Variants in AKAP13 observed in about 807,000 individuals in gnomAD.
The protein encoded by AKAP13 is A-kinase anchor protein 13.
Under a neutral mutation model 264.5 loss-of-function variants are expected in AKAP13, and 80 were observed. That is an observed-to-expected ratio of 0.30 (90% confidence interval 0.25 to 0.36). AKAP13 has a LOEUF of 0.36. Among genes scored for constraint, AKAP13 ranks in the 10% least tolerant of loss-of-function variants. AKAP13 has a pLI of 1.00. For synonymous variants in AKAP13, 1,380 were observed against 1,250.2 expected, an observed-to-expected ratio of 1.10 and a Z score of -2.19; for missense variants, 3,712 against 3,435.2, an observed-to-expected ratio of 1.08 and a Z score of -2.01.
chr15:85,426,748 ATC>A (rs567414849), intron 1 of AKAP13, among the ~76,000 whole-genome samples: 301 of 152,246 alleles, frequency 2.0e-3, no homozygotes, highest in Non-Finnish European at 3.6e-3. Context: ...CCACTACCCT[ATC>A]TCTCTGTCTG....
chr15:85,690,139 A>G (rs17574774), intron 16 of AKAP13: 28,608 of 152,270 alleles, frequency 0.19, 3,570 homozygotes, highest in Middle Eastern at 0.41. Flanking sequence ...ACTAAATTCT[A>G]GTAAACACAG....
In AKAP13 at chr15:85,579,227, C is replaced by G; in HGVS notation, c.1159C>G (p.Pro387Ala). 6.2e-7 allele frequency: 1 copy of G among 1,614,202 alleles called. No individual in the cohort carries two copies. The highest frequency in any genetic ancestry group is 8.5e-7 in the Non-Finnish European group (1 of 1,180,032). Residue 387 changes from proline to alanine, a missense_variant, in exon 7 of 37, where the codon CCT becomes GCT. Pro to Ala is a conservative substitution (Grantham distance 27). Transcript: ENST00000394518. ...ERKGEEVEPA[P>A]IVDSGTVSDQ... ...AAAAGGGGAAGAGGTGGAGCCAGCA[C>G]CTATTGTGGACTCTGGAACTGTATC...
intron 12 of AKAP13, among the ~76,000 whole-genome samples, chr15:85,660,781 C>G (rs1286281665): frequency 6.6e-6 from 1 of 152,156 alleles, no homozygotes; most frequent in African/African-American, 2.4e-5. Context: ...TGCTTCTGCA[C>G]TTGTAAGCTT....
intron 1 of AKAP13, among the ~76,000 whole-genome samples, chr15:85,471,806 T>C (rs1265763404): frequency 6.6e-6 from 1 of 152,212 alleles, no homozygotes; most frequent in East Asian, 1.9e-4. Flanking sequence ...ACTAGCTCTG[T>C]TTATTTTTTC....
At chr15:85,643,764 A>G (rs1191383538) in intron 9 of AKAP13, among the ~76,000 whole-genome samples, 1 of 152,202 alleles carries the variant, frequency 6.6e-6, no homozygotes, top group East Asian at 1.9e-4. Flanking sequence ...AACAGTACAG[A>G]GGGAATCTGT....
At position 85,744,762 on chromosome 15, in the gene AKAP13, C is replaced by A; in HGVS notation, c.*85C>A. ...TGTCCCCGCGTGCACAAGTCTCTTA[C>A]ACTGGACGCCCACTGCTCCTCAGCG... On this transcript the variant is annotated 3_prime_UTR_variant, in exon 37 of 37. Coordinates refer to ENST00000394518, the MANE Select transcript of AKAP13 (RefSeq NM_007200.5). 1 of 1,295,040 alleles carries A rather than the reference C, an allele frequency of 7.7e-7. No individual in the cohort carries two copies. Among genetic ancestry groups the A allele is most frequent in the Non-Finnish European group, 1.1e-6 (1 of 943,884 alleles). 80.2% of individuals were successfully genotyped at this position (1,295,040 alleles called of 1,614,324 possible). A position where few individuals can be genotyped will look rare whatever the true frequency, so the allele number is the denominator to read the frequency against.
chr15:85,581,335 G>T lies in AKAP13; in HGVS notation c.3267G>T (p.Val1089=), dbSNP rs2079139594. The stretch of plus-strand genomic sequence containing the variant: ...GTGAGGTGAGTGGAGATGTGACGGT[G>T]GATGTTACAGGGGTTAATGCTCTAC... ...SACEVSGDVT[V]DVTGVNALQG... is the part of the protein sequence containing the mutation. Residue 1089 remains valine, a synonymous_variant, in exon 7 of 37, where the codon GTG becomes GTT. Coordinates refer to ENST00000394518, the MANE Select transcript of AKAP13 (RefSeq NM_007200.5). 1 of 1,614,114 alleles carries T rather than the reference G, an allele frequency of 6.2e-7. No homozygotes were observed. The highest frequency in any genetic ancestry group is 8.5e-7 in the Non-Finnish European group (1 of 1,180,046).
intron 8 of AKAP13, among the ~76,000 whole-genome samples, chr15:85,631,455 T>C (rs943124975): frequency 1.3e-5 from 2 of 151,764 alleles, no homozygotes; most frequent in South Asian, 4.2e-4. Flanking sequence ...AATAAGGATG[T>C]TAAAATGCAA....
At chr15:85,569,039 A>G (rs1348518909) in intron 5 of AKAP13, among the ~76,000 whole-genome samples, 2 of 152,252 alleles carry the variant, frequency 1.3e-5, no homozygotes, top group Non-Finnish European at 2.9e-5. Context: ...CAACATGTTC[A>G]GAATGTTCTG....
chr15:85,657,405 A>G (rs535351377), intron 11 of AKAP13, among the ~76,000 whole-genome samples: 1 of 152,258 alleles, frequency 6.6e-6, no homozygotes, highest in African/African-American at 2.4e-5. Flanking sequence ...CTAATTTGCT[A>G]ATCTTTTCAG....
At chr15:85,470,477 G>A (rs527266513) in intron 1 of AKAP13, among the ~76,000 whole-genome samples, 19 of 152,266 alleles carry the variant, frequency 1.2e-4, no homozygotes, top group African/African-American at 4.1e-4. Flanking sequence ...AAACAAACAT[G>A]TTTAAAACAG....
intron 1 of AKAP13, among the ~76,000 whole-genome samples, chr15:85,471,067 G>A (rs892255476): frequency 6.6e-6 from 1 of 152,146 alleles, no homozygotes; most frequent in Non-Finnish European, 1.5e-5. Context: ...TGCCCTCATT[G>A]TGGAGGAAGC....
chr15:85,543,927 T>A lies in AKAP13; in HGVS notation c.634T>A (p.Tyr212Asn). 1.2e-6 allele frequency: 2 copies of A among 1,613,370 alleles called. No individual in the cohort carries two copies. The highest frequency in any genetic ancestry group is 2.7e-5 in the African/African-American group (2 of 75,004). The change falls in exon 5 of 37, where the codon TAT (tyrosine) becomes AAT (asparagine). Residue 212 changes from tyrosine (Y) to asparagine (N), a missense_variant. Coordinates refer to ENST00000394518, the MANE Select transcript of AKAP13 (RefSeq NM_007200.5). ...TGTGAGCTTGGCCTTGGAGCGAGGC[T>A]ATCACAAGCTGCACCAGCTTCTAAC... ...TPVSLALERGYHKLHQLLTEE... is the reference protein window; with the variant it reads ...TPVSLALERGNHKLHQLLTEE...
At chr15:85,638,071 A>C (rs1472881953) in intron 8 of AKAP13, among the ~76,000 whole-genome samples, 1 of 150,706 alleles carries the variant, frequency 6.6e-6, no homozygotes, top group East Asian at 1.9e-4. Flanking sequence ...TTTTTAGTAG[A>C]GACAGGATTT....
intron 18 of AKAP13, among the ~76,000 whole-genome samples, chr15:85,710,145 A>G (rs2086556958): frequency 6.6e-6 from 1 of 152,230 alleles, no homozygotes; most frequent in South Asian, 2.1e-4. Context: ...AGCACCTTAT[A>G]AATGCTAGTT....
At position 85,406,299 on chromosome 15, in the gene AKAP13, C is replaced by T. The variant is rs571896601; in HGVS notation, c.-12+25501C>T. On this transcript the variant is annotated intron_variant, in intron 1 of 36. Transcript: ENST00000394518. ...CATCCTGAGTGAAGAGTGAAGGGACCATGATTAAAATTCCCATGACATTGT... is the reference window on the plus strand; with the variant it reads ...CATCCTGAGTGAAGAGTGAAGGGACTATGATTAAAATTCCCATGACATTGT... 5.3e-5 allele frequency among the ~76,000 whole-genome samples: 8 copies of T among 152,146 alleles called. No homozygotes were observed. The South Asian group carries it at 1.7e-3, about 32-fold the overall frequency.
intron 18 of AKAP13, among the ~76,000 whole-genome samples, chr15:85,709,710 C>T (rs1351105170): frequency 9.0e-6 from 1 of 111,288 alleles, no homozygotes; most frequent in Non-Finnish European, 2.0e-5. Context: ...ATTTTAGAGA[C>T]AGAGTCTCAC....
At chr15:85,427,046 C>T (rs1404005243) in intron 1 of AKAP13, among the ~76,000 whole-genome samples, 1 of 149,380 alleles carries the variant, frequency 6.7e-6, no homozygotes, top group Admixed American at 6.7e-5. Flanking sequence ...AACTCTACCT[C>T]CTGGGTTCAC....
chr15:85,516,672 C>A (rs1234639631), intron 2 of AKAP13, among the ~76,000 whole-genome samples: 1 of 152,188 alleles, frequency 6.6e-6, no homozygotes, highest in African/African-American at 2.4e-5. Context: ...TCCTTCCCTT[C>A]TGCTGACCTG....
Sources: allele counts gnomAD v4.1 joint callset (sites outside exome capture counted in the v4.1 genomes callset), GRCh38; gene constraint gnomAD v4.1.1; transcripts MANE v1.5; gene names NCBI Gene and HGNC (gene_info 2026-07-23, HGNC 2026-07-21).